The following GHR variants were observed in gnomAD, a reference collection of about 807,000 sequenced individuals.
The protein encoded by GHR is growth hormone receptor.
GHR carries 35 observed loss-of-function variants against 67.1 expected under a neutral mutation model. The observed-to-expected ratio is 0.52, with a 90% CI of 0.40 to 0.69. GHR has a LOEUF of 0.69. Among genes scored for constraint, GHR ranks in the 30% least tolerant of loss-of-function variants. The pLI is 0.00. For missense variants in GHR, 792 were observed against 764.6 expected (o/e 1.04, Z -0.42); for synonymous variants, 272 against 269.1 (o/e 1.01, Z -0.10).
intron 1 of GHR, among the ~76,000 whole-genome samples, chr5:42,543,258 T>C (rs1048156767): frequency 2.6e-5 from 4 of 152,190 alleles, no homozygotes; most frequent in African/African-American, 4.8e-5. Context: ...ACCAGCAGTG[T>C]ATAAGTAATC....
intron 1 of GHR, among the ~76,000 whole-genome samples, chr5:42,549,214 T>A (rs1748891154): frequency 6.6e-6 from 1 of 152,234 alleles, no homozygotes; most frequent in African/African-American, 2.4e-5. Flanking sequence ...ATGCCTGATG[T>A]GATGGGAACC....
chr5:42,536,282 A>G (rs944368325), intron 1 of GHR, among the ~76,000 whole-genome samples: 8 of 152,164 alleles, frequency 5.3e-5, no homozygotes, highest in African/African-American at 1.9e-4. Flanking sequence ...CCCATTCAGT[A>G]TTATGTTGGT....
At chr5:42,455,330 GA>G (rs1363407763) in intron 1 of GHR, among the ~76,000 whole-genome samples, 1 of 152,020 alleles carries the variant, frequency 6.6e-6, no homozygotes, top group African/African-American at 2.4e-5. Flanking sequence ...GTGGTTCTTG[GA>G]AAAAAGGTTC....
At chr5:42,663,532 C>A (rs532741073) in intron 3 of GHR, among the ~76,000 whole-genome samples, 2,620 of 152,138 alleles carry the variant, frequency 0.017, 136 homozygotes, top group South Asian at 0.15. Flanking sequence ...AGTTCTTTGA[C>A]AAAATTCAAC....
intron 2 of GHR, among the ~76,000 whole-genome samples, chr5:42,596,656 G>T (rs1254450652): frequency 6.6e-6 from 1 of 152,214 alleles, no homozygotes; most frequent in Admixed American, 6.5e-5. Flanking sequence ...TGCCAGTTCA[G>T]TGTTTGTGGT....
chr5:42,511,893 T>C (rs932758841), intron 1 of GHR, among the ~76,000 whole-genome samples: 7 of 152,294 alleles, frequency 4.6e-5, no homozygotes, highest in Admixed American at 4.6e-4. Context: ...GAATTCATCT[T>C]TTTGCACCCC....
intron 1 of GHR, among the ~76,000 whole-genome samples, chr5:42,425,654 T>C (rs1320213191): frequency 6.6e-6 from 1 of 152,238 alleles, no homozygotes; most frequent in African/African-American, 2.4e-5. Flanking sequence ...GCTTCCCTTC[T>C]GGGCCTTTGG....
intron 1 of GHR, chr5:42,468,999 A>G (rs1343178346): frequency 3.1e-6 from 1 of 319,404 alleles, no homozygotes; most frequent in Non-Finnish European, 5.9e-6. Flanking sequence ...CAGGCAAGGT[A>G]AATTTCAAAA....
rs140414520 is a variant in GHR at position 42,605,922 on chromosome 5, G to A, written c.71-23116G>A. 4.5e-3 allele frequency among the ~76,000 whole-genome samples: 685 copies of A among 152,298 alleles called. 3 individuals are homozygous for A. The highest frequency in any genetic ancestry group is 0.015 in the African/African-American group (636 of 41,560). On this transcript the variant is annotated intron_variant, in intron 2 of 9. Transcript: ENST00000230882. ...AATATTATGTATGCAGTCTAACTCC[G>A]TCCAGGGAGAAACTGAGAGCTGGGT...
intron 1 of GHR, among the ~76,000 whole-genome samples, chr5:42,552,056 T>G (rs184054848): frequency 1.3e-5 from 2 of 152,346 alleles, no homozygotes; most frequent in Admixed American, 1.3e-4. Context: ...TCTCTCTGAA[T>G]CAATAGTGGC....
chr5:42,605,591 G>A (rs946085983), intron 2 of GHR, among the ~76,000 whole-genome samples: 2 of 152,160 alleles, frequency 1.3e-5, no homozygotes, highest in African/African-American at 4.8e-5. Flanking sequence ...GGATAAGCTG[G>A]GAGCTGGACT....
intron 2 of GHR, among the ~76,000 whole-genome samples, chr5:42,613,891 T>C (rs903195211): frequency 6.6e-6 from 1 of 152,084 alleles, no homozygotes; most frequent in Non-Finnish European, 1.5e-5. Context: ...CATTGCTAAG[T>C]CTAAATGATT....
intron 2 of GHR, among the ~76,000 whole-genome samples, chr5:42,597,736 G>T (rs1013868730): frequency 2.6e-5 from 4 of 152,262 alleles, no homozygotes; most frequent in Admixed American, 2.6e-4. Flanking sequence ...AGGCTGGGAG[G>T]TACTGAGAGC....
chr5:42,647,590 A>AAC, intron 3 of GHR: 1 of 408,014 alleles, frequency 2.5e-6, no homozygotes, highest in Non-Finnish European at 4.7e-6. Context: ...AAAAAAAAAA[A>AAC]GTCAAGGGCC....
At chr5:42,468,649 C>G (rs1290114807) in intron 1 of GHR, 2 of 1,051,404 alleles carry the variant, frequency 1.9e-6, no homozygotes, top group Non-Finnish European at 2.9e-6. Context: ...CTTTCTGGGA[C>G]TCCTTGCGCA....
At chr5:42,555,706 G>A (rs1375363743) in intron 1 of GHR, among the ~76,000 whole-genome samples, 1 of 152,060 alleles carries the variant, frequency 6.6e-6, no homozygotes, top group Non-Finnish European at 1.5e-5. Context: ...TATTTTTTGG[G>A]TAGATGTTGT....
At chr5:42,686,330 T>A (rs1056689530) in intron 3 of GHR, among the ~76,000 whole-genome samples, 1 of 118,078 alleles carries the variant, frequency 8.5e-6, no homozygotes, top group Admixed American at 9.8e-5. Context: ...TACCATGCTG[T>A]CTTTGTTACT....
At chr5:42,586,900 G>GT (rs903768868) in intron 2 of GHR, among the ~76,000 whole-genome samples, 2 of 152,016 alleles carry the variant, frequency 1.3e-5, no homozygotes, top group African/African-American at 4.8e-5. Context: ...TGGAGAAATG[G>GT]TTTATAAATA....
chr5:42,431,738 G>C (rs1178330548), intron 1 of GHR, among the ~76,000 whole-genome samples: 1 of 152,202 alleles, frequency 6.6e-6, no homozygotes, highest in Non-Finnish European at 1.5e-5. Context: ...TTTGTTTAAA[G>C]ATAAATCTAT....
Sources: gnomAD v4.1 joint callset for allele counts (sites outside exome capture counted in the v4.1 genomes callset) on GRCh38, gnomAD v4.1.1 for gene constraint, MANE v1.5 for transcripts, NCBI Gene and HGNC (gene_info 2026-07-23, HGNC 2026-07-21) for gene names.